CCDC171: variants seen among roughly 807,000 people sequenced by gnomAD.
CCDC171 encodes coiled-coil domain-containing protein 171.
In CCDC171, 177 loss-of-function variants were observed where a neutral mutation model predicts 168.2. The ratio of observed to expected loss-of-function variants is 1.05; its 90% confidence interval spans 0.93 to 1.19. The LOEUF is 1.19. Ranked by LOEUF, CCDC171 falls within the 50% of genes most tolerant of loss-of-function variation. The pLI, the probability that CCDC171 is intolerant of heterozygous loss-of-function variation, is 0.00. For synonymous variants in CCDC171, 687 were observed against 540.8 expected (o/e 1.27, Z -3.75); for missense variants, 1,991 against 1,539.0 (o/e 1.29, Z -4.91).
intron 16 of CCDC171, among the ~76,000 whole-genome samples, chr9:15,732,464 T>C (rs1432214315): frequency 1.3e-5 from 2 of 152,152 alleles, no homozygotes; most frequent in Non-Finnish European, 2.9e-5. Flanking sequence ...GAAAAAACAG[T>C]TGGCCATATT....
rs2041260102 is a variant in CCDC171, at chr9:15,583,078, T to C, written c.352+4055T>C. On this transcript the variant is annotated intron_variant, in intron 4 of 25. Transcript: ENST00000380701. ...GCAGCACAATTCACAATTGCAAAAA[T>C]ATCGAACCAGCCTAGGAGCCCATCA... Among the ~76,000 whole-genome samples, 3 of 151,822 alleles carry C rather than the reference T, an allele frequency of 2.0e-5. No individual in the cohort carries two copies. In the South Asian group the frequency reaches 6.2e-4, roughly 32 times the overall value.
At chr9:15,584,353 A>G (rs530820526) in intron 4 of CCDC171, among the ~76,000 whole-genome samples, 90 of 152,364 alleles carry the variant, frequency 5.9e-4, no homozygotes, top group African/African-American at 2.0e-3. Flanking sequence ...AAACCATAAC[A>G]AATTTATTTA....
the CCDC171 span, among the ~76,000 whole-genome samples, chr9:16,106,065 A>G: frequency 6.6e-6 from 1 of 152,042 alleles, no homozygotes; most frequent in Non-Finnish European, 1.5e-5. Flanking sequence ...CCCCTGTCCT[A>G]TTGAGTTATG....
At chr9:15,583,987 C>A (rs1367841576) in intron 4 of CCDC171, among the ~76,000 whole-genome samples, 1 of 152,140 alleles carries the variant, frequency 6.6e-6, no homozygotes, top group African/African-American at 2.4e-5. Context: ...CTGCCTCAGC[C>A]TCCCGAGTGG....
At chr9:16,038,629 A>G (rs1833515352), upstream of CCDC171, among the ~76,000 whole-genome samples, 1 of 152,108 alleles carries the variant, frequency 6.6e-6, no homozygotes, top group African/African-American at 2.4e-5. Flanking sequence ...AATCAATCCC[A>G]CTAAAAGTTT....
At chr9:15,621,117 C>T (rs1036214094) in intron 6 of CCDC171, among the ~76,000 whole-genome samples, 2 of 152,116 alleles carry the variant, frequency 1.3e-5, no homozygotes, top group South Asian at 2.1e-4. Flanking sequence ...TAGATGTGCG[C>T]CACCACATCT....
At chr9:15,636,992 A>G (rs2046249980) in intron 7 of CCDC171, among the ~76,000 whole-genome samples, 2 of 151,150 alleles carry the variant, frequency 1.3e-5, no homozygotes, top group African/African-American at 2.4e-5. Flanking sequence ...GTGGTGGCTC[A>G]TGCCTGTAAT....
intron 1 of CCDC171, among the ~76,000 whole-genome samples, chr9:15,557,122 C>A (rs1448333107): frequency 2.6e-5 from 4 of 152,082 alleles, no homozygotes; most frequent in Non-Finnish European, 2.9e-5. Context: ...TTACCAGTAC[C>A]ATGCTGTTTT....
chr9:15,757,378 A>G (rs951438192), intron 18 of CCDC171, among the ~76,000 whole-genome samples: 11 of 152,152 alleles, frequency 7.2e-5, no homozygotes, highest in African/African-American at 2.4e-4. Flanking sequence ...CCCCTGCCCT[A>G]GAGATTTGTG....
downstream of CCDC171, among the ~76,000 whole-genome samples, chr9:15,975,782 A>T (rs184675852): frequency 1.1e-4 from 16 of 152,330 alleles, no homozygotes; most frequent in African/African-American, 3.8e-4. Flanking sequence ...AGTAGGCTGA[A>T]TAATGGCCGT....
chr9:15,903,116 CCAAA>C (rs1324195536), intron 24 of CCDC171, among the ~76,000 whole-genome samples: 3 of 152,176 alleles, frequency 2.0e-5, no homozygotes, highest in Non-Finnish European at 2.9e-5. Context: ...TTGAGCATTG[CCAAA>C]CAAAAGGCAG....
At chr9:16,000,076 A>AT (rs1305698362) in intron 3 of CCDC171, among the ~76,000 whole-genome samples, 2 of 152,304 alleles carry the variant, frequency 1.3e-5, no homozygotes, top group African/African-American at 4.8e-5. Context: ...TTAAAGAAGC[A>AT]TTTTTTAACT....
At chr9:15,746,339 C>A (rs946682124) in intron 18 of CCDC171, among the ~76,000 whole-genome samples, 1 of 152,128 alleles carries the variant, frequency 6.6e-6, no homozygotes, top group African/African-American at 2.4e-5. Context: ...TTAGACAATT[C>A]CACTGTGCAA....
chr9:15,725,133 T>C (rs574383408), intron 14 of CCDC171, among the ~76,000 whole-genome samples, 157 bp downstream of exon 14: 1 of 152,336 alleles, frequency 6.6e-6, no homozygotes, highest in Admixed American at 6.5e-5. Flanking sequence ...TCCATTACTC[T>C]TGTGTCATTC....
chr9:15,655,324 G>C (rs968647690), intron 7 of CCDC171, among the ~76,000 whole-genome samples: 11 of 152,120 alleles, frequency 7.2e-5, no homozygotes, highest in Non-Finnish European at 1.5e-4. Flanking sequence ...TTGACAGATA[G>C]GACTCTAGGC....
intron 16 of CCDC171, among the ~76,000 whole-genome samples, chr9:15,740,649 A>G (rs142037020): frequency 0.012 from 1,797 of 152,206 alleles, 18 homozygotes; most frequent in South Asian, 0.041. Context: ...CATATTGGCC[A>G]GTCTGGTCTA....
intron 21 of CCDC171, among the ~76,000 whole-genome samples, chr9:15,827,857 C>T (rs2060078837): frequency 6.6e-6 from 1 of 152,110 alleles, no homozygotes; most frequent in Non-Finnish European, 1.5e-5. Flanking sequence ...TGTGTCTGAG[C>T]AACTCATGTT....
chr9:15,869,903 A>T (rs576494259), intron 23 of CCDC171, among the ~76,000 whole-genome samples: 7 of 149,892 alleles, frequency 4.7e-5, no homozygotes, highest in East Asian at 3.9e-4. Flanking sequence ...ATAGTCATTT[A>T]AAAAAAAACT....
chr9:15,711,845 A>G (rs1303430924), intron 11 of CCDC171, among the ~76,000 whole-genome samples: 2 of 152,222 alleles, frequency 1.3e-5, no homozygotes, highest in Non-Finnish European at 2.9e-5. Flanking sequence ...CTATCTGGTC[A>G]CATGTAACTG....
Sources: gnomAD v4.1 joint callset for allele counts (sites outside exome capture counted in the v4.1 genomes callset) on GRCh38, gnomAD v4.1.1 for gene constraint, MANE v1.5 for transcripts, NCBI Gene and HGNC (gene_info 2026-07-23, HGNC 2026-07-21) for gene names.